ZNF180: variants seen among roughly 807,000 people sequenced by gnomAD.
ZNF180 encodes the protein zinc finger protein 180 (HHZ168).
Under a neutral mutation model 11.8 loss-of-function variants are expected in ZNF180, and 11 were observed. That is an observed-to-expected ratio of 0.93 (90% CI 0.59 to 1.55). The LOEUF is 1.55. Ranked by LOEUF, ZNF180 falls within the 40% of genes most tolerant of loss-of-function variation. ZNF180 has a pLI of 0.00. For synonymous variants in ZNF180, 287 were observed against 257.7 expected (o/e 1.11, Z -1.09); for missense variants, 773 against 781.7 (o/e 0.99, Z 0.13).
intron 1 of ZNF180, 57 bp downstream of exon 1, chr19:44,500,218 G>A (rs1374552059): frequency 4.3e-6 from 7 of 1,613,996 alleles, no homozygotes; most frequent in African/African-American, 1.3e-5. Context: ...AGCTTCCCGC[G>A]TAGACCCTGC....
At position 44,477,317 on chromosome 19, in the gene ZNF180, T is replaced by C. The variant is rs183862306; in HGVS notation, c.1083A>G (p.Lys361=). ...EKPYECSECG[K]SFSRSSHLVS... The stretch of plus-strand genomic sequence containing the variant: ...CAAGGTGCGAGCTCCGGCTGAAGGA[T>C]TTTCCACATTCACTACATTCATAAG... Residue 361 remains lysine (K), a synonymous_variant, in exon 5 of 5, where the codon AAA becomes AAG. Coordinates refer to ENST00000592529, the MANE Select transcript of ZNF180 (RefSeq NM_001278509.3). 8 of 1,612,310 alleles carry C rather than the reference T, an allele frequency of 5.0e-6. No individual in the cohort carries two copies. The Middle Eastern group carries it at 6.6e-4, about 133-fold the overall frequency.
intron 2 of ZNF180, among the ~76,000 whole-genome samples, chr19:44,492,063 A>G (rs1236737489): frequency 1.3e-5 from 2 of 152,324 alleles, no homozygotes; most frequent in East Asian, 3.9e-4. Context: ...CACCTCCTCC[A>G]TGAAGCGTTC....
At position 44,476,333 on chromosome 19, in the gene ZNF180, T is replaced by C. The variant is rs1969867495; in HGVS notation, c.*69A>G. 1 of 1,407,010 alleles carries C rather than the reference T, an allele frequency of 7.1e-7. No individual in the cohort carries two copies. The highest frequency in any genetic ancestry group is 1.5e-5 in the African/African-American group (1 of 68,958). 87.2% of individuals were successfully genotyped at this position (1,407,010 alleles called of 1,614,324 possible). On this transcript the variant is annotated 3_prime_UTR_variant, in exon 5 of 5. Transcript: ENST00000592529. ...TTTTATAGTAGTTCTTCCAACTACA[T>C]GTACTACCTTAAAATAAATTTTTTA...
At chr19:44,488,102 C>T (rs1555735715) in intron 2 of ZNF180, among the ~76,000 whole-genome samples, 9 of 66,272 alleles carry the variant, frequency 1.4e-4, no homozygotes, top group African/African-American at 4.0e-4. Flanking sequence ...TCTCCCTCTC[C>T]CTCTCTTTCC....
intron 3 of ZNF180, 45 bp downstream of exon 3, chr19:44,484,316 C>T (rs1309235515): frequency 6.7e-7 from 1 of 1,482,588 alleles, no homozygotes; most frequent in South Asian, 1.1e-5. Context: ...ACTTCCCAGC[C>T]ATGCACATTT....
At chr19:44,486,165 G>A (rs1351177465) in intron 2 of ZNF180, among the ~76,000 whole-genome samples, 1 of 151,754 alleles carries the variant, frequency 6.6e-6, no homozygotes, top group Non-Finnish European at 1.5e-5. Flanking sequence ...ATAATAGAAA[G>A]ATGTCTATAA....
chr19:44,487,423 G>C (rs1273644416), intron 2 of ZNF180, among the ~76,000 whole-genome samples: 1 of 152,224 alleles, frequency 6.6e-6, no homozygotes, highest in African/African-American at 2.4e-5. Flanking sequence ...TACTACAACA[G>C]TTAAACTGCC....
chr19:44,478,147 C>T lies in ZNF180; in HGVS notation c.254-1G>A. On this transcript the variant is annotated splice_acceptor_variant, in intron 4 of 4. Transcript: ENST00000592529. LOFTEE classifies it high-confidence loss of function. ...TTTTTTCCAACTGCAGTTGCCAAGT[C>T]TGAAAGAAAGCAATATAAGACATCT... The T allele has an allele frequency of 1.9e-6, 3 of 1,554,574 alleles. No homozygotes were observed. Among genetic ancestry groups the T allele is most frequent in the Non-Finnish European group, 1.7e-6 (2 of 1,151,892 alleles).
At chr19:44,494,547 C>A (rs1970531113) in intron 2 of ZNF180, among the ~76,000 whole-genome samples, 1 of 152,014 alleles carries the variant, frequency 6.6e-6, no homozygotes. Context: ...TGGTGTGCAC[C>A]TGTAGTCCCA....
chr19:44,499,277 C>A (rs551776569), intron 1 of ZNF180, among the ~76,000 whole-genome samples: 2 of 152,286 alleles, frequency 1.3e-5, no homozygotes, highest in East Asian at 3.9e-4. Flanking sequence ...GTTGTGCAGT[C>A]AGCTCTTCCC....
At chr19:44,478,778 G>A (rs1970000471) in intron 4 of ZNF180, among the ~76,000 whole-genome samples, 2 of 152,130 alleles carry the variant, frequency 1.3e-5, no homozygotes, top group Admixed American at 1.3e-4. Flanking sequence ...GAGTATATAT[G>A]GAAAAAGTAG....
intron 1 of ZNF180, 27 bp downstream of exon 1, chr19:44,500,248 C>G: frequency 1.9e-6 from 3 of 1,613,932 alleles, no homozygotes; most frequent in Non-Finnish European, 2.5e-6. Flanking sequence ...CATCGGACAC[C>G]AAGCGCTGCC....
chr19:44,495,114 G>A lies in ZNF180; in HGVS notation c.51+2170C>T, dbSNP rs3786501. Among the ~76,000 whole-genome samples the A allele has an allele frequency of 0.31, 46,755 of 151,972 alleles. 8,032 individuals are homozygous for A. The highest frequency in any genetic ancestry group is 0.44 in the African/African-American group (18,320 of 41,394). On this transcript the variant is annotated intron_variant, in intron 2 of 4. Coordinates refer to ENST00000592529, the MANE Select transcript of ZNF180 (RefSeq NM_001278509.3). This position sits in a 1 kb window ranked among gnomAD's most constrained non-coding sequence, Gnocchi z 4.5. ...GTCCACTCAAATGTTCTTTCTTGCCGTATCTGTACCTCCCTGATTTGATGG... is the reference window on the plus strand; with the variant it reads ...GTCCACTCAAATGTTCTTTCTTGCCATATCTGTACCTCCCTGATTTGATGG...
In ZNF180 at chr19:44,477,736, T is replaced by G; in HGVS notation, c.664A>C (p.Asn222His). 1 of 1,614,104 alleles carries G rather than the reference T, an allele frequency of 6.2e-7. No individual in the cohort carries two copies. Among genetic ancestry groups the G allele is most frequent in the Non-Finnish European group, 8.5e-7 (1 of 1,179,976 alleles). ...CTCTGAGGGGGTTTTCCACATTCAT[T>G]ATTTTCATATAGTGTCTCATTCTCA... ...INENETLYEN[N>H]ECGKPPQSIH... Residue 222 changes from asparagine to histidine, a missense_variant, in exon 5 of 5, where the codon AAT (asparagine) becomes CAT (histidine). Coordinates refer to ENST00000592529, the MANE Select transcript of ZNF180 (RefSeq NM_001278509.3).
chr19:44,476,622 A>C lies in ZNF180; in HGVS notation c.1778T>G (p.Leu593Arg), dbSNP rs1214411078. 3.1e-6 allele frequency: 5 copies of C among 1,614,152 alleles called. No individual in the cohort carries two copies. In the South Asian group the frequency reaches 5.5e-5, roughly 18 times the overall value. Residue 593 changes from leucine (L) to arginine (R), a missense_variant, in exon 5 of 5, where the codon CTT becomes CGT. Transcript: ENST00000592529. The part of the protein sequence containing the change: ...CGKSFRQSSC[L>R]TQHQRTHTGE... ...AGTATGAGTTCTCTGATGTTGAGTAAGGCATGAACTCTGTCTGAAGGACTT... is the reference window on the plus strand; with the variant it reads ...AGTATGAGTTCTCTGATGTTGAGTACGGCATGAACTCTGTCTGAAGGACTT...
intron 2 of ZNF180, among the ~76,000 whole-genome samples, chr19:44,490,432 G>A (rs545718725): frequency 3.3e-5 from 5 of 152,234 alleles, no homozygotes; most frequent in African/African-American, 1.2e-4. Flanking sequence ...ATGGTACAAG[G>A]GAGCCACAAG....
chr19:44,499,557 C>T (rs1051699312), intron 1 of ZNF180, among the ~76,000 whole-genome samples: 1 of 152,158 alleles, frequency 6.6e-6, no homozygotes, highest in East Asian at 1.9e-4. Flanking sequence ...ACTATCAGTT[C>T]AAGTTTCTGT....
chr19:44,498,278 C>T (rs771862212), intron 1 of ZNF180, among the ~76,000 whole-genome samples: 1 of 152,164 alleles, frequency 6.6e-6, no homozygotes, highest in Non-Finnish European at 1.5e-5. Context: ...TCTGTACCAA[C>T]TAGGTGTTTT....
Position 44,491,560 on chromosome 19 carries a change from T to C in ZNF180, c.51+5724A>G, listed in dbSNP as rs1388967618. On this transcript the variant is annotated intron_variant, in intron 2 of 4. Coordinates refer to ENST00000592529, the MANE Select transcript of ZNF180 (RefSeq NM_001278509.3). Reference sequence around the variant, plus strand: ...AGTACTTCAACACAGAATTTCCATCTCACAAAATCATCTAAACTTTTTTTT... The same window carrying C: ...AGTACTTCAACACAGAATTTCCATCCCACAAAATCATCTAAACTTTTTTTT... Among the ~76,000 whole-genome samples, 24 of 146,252 alleles carry C rather than the reference T, an allele frequency of 1.6e-4. No homozygotes were observed. The Admixed American group carries it at 1.7e-3, about 10-fold the overall frequency.
Sources: gnomAD v4.1 joint callset for allele counts (sites outside exome capture counted in the v4.1 genomes callset) on GRCh38, gnomAD v4.1.1 for gene constraint, Gnocchi (gnomAD v3.1) non-coding constraint, MANE v1.5 for transcripts, NCBI Gene and HGNC (gene_info 2026-07-23, HGNC 2026-07-21) for gene names.